CAMKMT: variants seen among roughly 807,000 people sequenced by gnomAD.
CAMKMT encodes CaM KMT.
A neutral mutation model predicts 48.0 loss-of-function variants in CAMKMT; 53 were observed. That is an observed-to-expected ratio of 1.10 (90% CI 0.89 to 1.39). The LOEUF (loss-of-function observed/expected upper bound fraction) is 1.39, where lower values mean the gene tolerates loss of function less well. CAMKMT is among the 40% of genes most tolerant of loss of function. The pLI, the probability that CAMKMT is intolerant of heterozygous loss-of-function variation, is 0.00. For synonymous variants in CAMKMT, 165 were observed against 152.3 expected, an observed-to-expected ratio of 1.08 and a Z score of -0.61; for missense variants, 428 against 402.7, an observed-to-expected ratio of 1.06 and a Z score of -0.54.
intron 3 of CAMKMT, among the ~76,000 whole-genome samples, chr2:44,415,192 T>C (rs755100019): frequency 6.6e-6 from 1 of 152,182 alleles, no homozygotes; most frequent in African/African-American, 2.4e-5. Context: ...TTACTAGATA[T>C]GTGTCAGATT....
intron 3 of CAMKMT, among the ~76,000 whole-genome samples, chr2:44,689,440 T>C (rs1176787456): frequency 6.6e-6 from 1 of 151,690 alleles, no homozygotes; most frequent in Non-Finnish European, 1.5e-5. Flanking sequence ...ACGGCACAGT[T>C]TTAAAAGGGA....
chr2:44,641,523 G>T (rs543738934), intron 3 of CAMKMT, among the ~76,000 whole-genome samples: 60 of 150,174 alleles, frequency 4.0e-4, no homozygotes, highest in African/African-American at 1.5e-3. Context: ...ATAGAGCCAA[G>T]TTCCATTGTT....
At chr2:44,708,211 A>ATTTTTTTTTTTTTTTTTTTTTTTT (rs59281575) in intron 6 of CAMKMT, among the ~76,000 whole-genome samples, 2 of 68,194 alleles carry the variant, frequency 2.9e-5, no homozygotes, top group African/African-American at 5.8e-5. Context: ...TTTGCTTTGG[A>ATTTTTTTTTTTTTTTTTTTTTTTT]TTTTTTTTTT....
intron 3 of CAMKMT, among the ~76,000 whole-genome samples, chr2:44,703,731 T>A (rs545963216): frequency 7.4e-6 from 1 of 134,516 alleles, no homozygotes; most frequent in African/African-American, 2.9e-5. Context: ...TGAGCTGAGA[T>A]CTCGCCACTG....
chr2:44,462,749 A>G (rs913686737), intron 3 of CAMKMT, among the ~76,000 whole-genome samples: 2 of 152,162 alleles, frequency 1.3e-5, no homozygotes, highest in African/African-American at 4.8e-5. Flanking sequence ...ATGAATAGAA[A>G]TATAATTCAG....
At chr2:44,611,935 AC>A (rs1297253431) in intron 3 of CAMKMT, among the ~76,000 whole-genome samples, 1 of 152,106 alleles carries the variant, frequency 6.6e-6, no homozygotes, top group Non-Finnish European at 1.5e-5. Flanking sequence ...GAGATGGTCC[AC>A]GCCATTTGTG....
At chr2:44,691,571 C>T in intron 3 of CAMKMT, among the ~76,000 whole-genome samples, 1 of 152,172 alleles carries the variant, frequency 6.6e-6, no homozygotes, top group East Asian at 1.9e-4. Flanking sequence ...TTTTTATGCC[C>T]CTTCATTTCT....
intron 3 of CAMKMT, among the ~76,000 whole-genome samples, chr2:44,447,259 C>G (rs977514969): frequency 1.3e-5 from 2 of 152,282 alleles, no homozygotes; most frequent in Admixed American, 1.3e-4. Context: ...TTTTATAACT[C>G]ATTGTCGAGT....
At chr2:44,515,447 C>T (rs1670788171) in intron 3 of CAMKMT, among the ~76,000 whole-genome samples, 1 of 152,154 alleles carries the variant, frequency 6.6e-6, no homozygotes, top group South Asian at 2.1e-4. Flanking sequence ...TCTTAGAACA[C>T]ATGGGATTAG....
At chr2:44,544,866 C>T (rs6743044) in intron 3 of CAMKMT, among the ~76,000 whole-genome samples, 77,915 of 152,012 alleles carry the variant, frequency 0.51, 20,835 homozygotes, top group Non-Finnish European at 0.59. Context: ...AGTACATTTC[C>T]TTTAAAAATT....
chr2:44,365,184 A>T (rs1678460747), intron 1 of CAMKMT, among the ~76,000 whole-genome samples: 2 of 152,208 alleles, frequency 1.3e-5, no homozygotes, highest in Admixed American at 6.5e-5. Context: ...CTCGTGGGAC[A>T]TCTGAAGAAC....
At chr2:44,767,891 C>G (rs1369595060) in intron 10 of CAMKMT, among the ~76,000 whole-genome samples, 1 of 152,208 alleles carries the variant, frequency 6.6e-6, no homozygotes, top group Non-Finnish European at 1.5e-5. Context: ...GTGCCATTCA[C>G]TTTCCCCCTA....
In CAMKMT at chr2:44,653,725, T is replaced by C. The variant is rs1364708251; in HGVS notation, c.377-50558T>C. Reference sequence around the variant, plus strand: ...TCCCCCTTTTAAGTAAATTAATCTTTTGGGATTGTAGATATAATAGCAATA... The same window carrying C: ...TCCCCCTTTTAAGTAAATTAATCTTCTGGGATTGTAGATATAATAGCAATA... On this transcript the variant is annotated intron_variant, in intron 3 of 10. Coordinates refer to ENST00000378494, the MANE Select transcript of CAMKMT (RefSeq NM_024766.5). This position sits in a 1 kb window ranked among gnomAD's most constrained non-coding sequence, Gnocchi z 5.2. 6.6e-6 allele frequency among the ~76,000 whole-genome samples: 1 copy of C among 152,196 alleles called. No individual in the cohort carries two copies. The highest frequency in any genetic ancestry group is 2.4e-5 in the African/African-American group (1 of 41,442).
At chr2:44,531,959 A>G (rs1269515807) in intron 3 of CAMKMT, among the ~76,000 whole-genome samples, 1 of 152,176 alleles carries the variant, frequency 6.6e-6, no homozygotes, top group East Asian at 1.9e-4. Flanking sequence ...CAATTTTAGG[A>G]ACTGTGCAAC....
At chr2:44,572,878 T>A (rs1323640738) in intron 3 of CAMKMT, among the ~76,000 whole-genome samples, 1 of 152,260 alleles carries the variant, frequency 6.6e-6, no homozygotes, top group Non-Finnish European at 1.5e-5. Flanking sequence ...CCACGGTGGC[T>A]ACATCGTTTT....
intron 3 of CAMKMT, among the ~76,000 whole-genome samples, chr2:44,688,749 C>A (rs1485151212): frequency 1.3e-5 from 2 of 152,096 alleles, no homozygotes; most frequent in Non-Finnish European, 2.9e-5. Context: ...TTCCTCAAGA[C>A]CTAAGAGAGG....
chr2:44,669,367 C>A (rs901405621), intron 3 of CAMKMT, among the ~76,000 whole-genome samples: 2 of 152,180 alleles, frequency 1.3e-5, no homozygotes, highest in African/African-American at 4.8e-5. Flanking sequence ...TTTGCCATTA[C>A]AGACAAAGCT....
chr2:44,425,812 C>A (rs1463698202), intron 3 of CAMKMT, among the ~76,000 whole-genome samples: 1 of 151,832 alleles, frequency 6.6e-6, no homozygotes, highest in African/African-American at 2.4e-5. Flanking sequence ...CTCACTGCAA[C>A]CTCCACCTCC....
chr2:44,399,370 T>C (rs922362151), intron 3 of CAMKMT, among the ~76,000 whole-genome samples: 51 of 152,182 alleles, frequency 3.4e-4, no homozygotes. Context: ...TGCCATTAGA[T>C]ACAAGTAAGA....
Sources: allele counts gnomAD v4.1 joint callset (sites outside exome capture counted in the v4.1 genomes callset), GRCh38; gene constraint gnomAD v4.1.1; non-coding constraint Gnocchi (gnomAD v3.1); transcripts MANE v1.5; gene names NCBI Gene and HGNC (gene_info 2026-07-23, HGNC 2026-07-21).